NOX4: variants seen among roughly 807,000 people sequenced by gnomAD.
NOX4 encodes kidney oxidase-1.
NOX4 carries 69 observed loss-of-function variants against 87.6 expected under a neutral mutation model. The observed-to-expected ratio is 0.79, with a 90% CI of 0.65 to 0.96. The LOEUF is 0.96. Ranked by LOEUF, NOX4 falls within the 40% of genes least tolerant of loss-of-function variation. The pLI is 0.00. For missense variants in NOX4, 680 were observed against 681.5 expected (o/e 1.00, Z 0.02); for synonymous variants, 275 against 238.2 (o/e 1.15, Z -1.42).
chr11:89,453,236 A>G lies in NOX4; in HGVS notation c.154-1341T>C, dbSNP rs1945046989. ...TCCCCATGCTCTGGTAACCAGCAGC[A>G]TTCTACTCTCTACTTCTATGATTTC... On this transcript the variant is annotated intron_variant, in intron 2 of 17. Transcript: ENST00000263317. Among the ~76,000 whole-genome samples the G allele has an allele frequency of 2.0e-5, 3 of 151,852 alleles. No individual in the cohort carries two copies. The South Asian group carries it at 6.2e-4, about 31-fold the overall frequency.
At chr11:89,487,899 TAGGACATAAA>T (rs1262228274) in intron 2 of NOX4, among the ~76,000 whole-genome samples, 1 of 152,198 alleles carries the variant, frequency 6.6e-6, no homozygotes, top group Non-Finnish European at 1.5e-5. Flanking sequence ...AAGATAAGCC[TAGGACATAAA>T]ATTAAACACT....
At chr11:89,432,915 A>C in intron 6 of NOX4, 59 bp from the exon 7 acceptor site, 7 of 1,142,762 alleles carry the variant, frequency 6.1e-6, no homozygotes, top group Non-Finnish European at 9.1e-6. Flanking sequence ...AAAATACAAA[A>C]AATGATTATA....
the NOX4 span, among the ~76,000 whole-genome samples, chr11:89,570,371 G>A: frequency 1.3e-5 from 2 of 152,176 alleles, no homozygotes; most frequent in South Asian, 2.1e-4. Flanking sequence ...AGGAGAGTGA[G>A]GTGTGAAAAA....
intron 2 of NOX4, among the ~76,000 whole-genome samples, chr11:89,484,791 T>C (rs1341796907): frequency 6.6e-6 from 1 of 152,120 alleles, no homozygotes. Context: ...AAATTGTGTC[T>C]AAATAACAGA....
intron 13 of NOX4, among the ~76,000 whole-genome samples, chr11:89,349,125 A>G (rs317200): frequency 0.014 from 2,193 of 151,944 alleles, 48 homozygotes; most frequent in African/African-American, 0.051. Context: ...TGTCTCTATT[A>G]AAAATACAAA....
intron 8 of NOX4, among the ~76,000 whole-genome samples, chr11:89,417,429 C>A (rs1220872980): frequency 2.0e-5 from 3 of 151,886 alleles, no homozygotes; most frequent in Non-Finnish European, 4.4e-5. Context: ...CTAAGCACAC[C>A]AATAGCAACC....
At chr11:89,488,220 C>T (rs948637214) in intron 2 of NOX4, among the ~76,000 whole-genome samples, 8 of 151,960 alleles carry the variant, frequency 5.3e-5, no homozygotes, top group African/African-American at 1.2e-4. Flanking sequence ...TTTCTTGAAT[C>T]TGTTTCTTAT....
At chr11:89,571,099 T>A in the NOX4 span, among the ~76,000 whole-genome samples, 46 of 152,206 alleles carry the variant, frequency 3.0e-4, no homozygotes, top group African/African-American at 1.1e-3. Context: ...AGTATTCAGT[T>A]TAGCCATTCT....
intron 11 of NOX4, among the ~76,000 whole-genome samples, chr11:89,394,291 G>A (rs11018600): frequency 0.35 from 53,524 of 151,652 alleles, 9,590 homozygotes; most frequent in East Asian, 0.44. Context: ...TATTTTTTAT[G>A]AATACAAGGA....
chr11:89,445,181 A>C (rs1486590418), intron 4 of NOX4, among the ~76,000 whole-genome samples: 1 of 152,162 alleles, frequency 6.6e-6, no homozygotes, highest in Non-Finnish European at 1.5e-5. Context: ...CAAAAGGCTT[A>C]ATGAGATAAG....
At chr11:89,484,887 T>A (rs1946530570) in intron 2 of NOX4, among the ~76,000 whole-genome samples, 1 of 152,114 alleles carries the variant, frequency 6.6e-6, no homozygotes, top group African/African-American at 2.4e-5. Flanking sequence ...CCTGAGCAAC[T>A]CTAGCTAGTG....
chr11:89,486,607 T>C (rs1309279452), intron 2 of NOX4, among the ~76,000 whole-genome samples: 1 of 127,374 alleles, frequency 7.9e-6, no homozygotes, highest in African/African-American at 3.5e-5. Context: ...TATACATATA[T>C]ATGTGTGTAT....
intron 7 of NOX4, among the ~76,000 whole-genome samples, chr11:89,423,429 A>C (rs1943197861): frequency 6.6e-6 from 1 of 152,058 alleles, no homozygotes; most frequent in Non-Finnish European, 1.5e-5. Flanking sequence ...ATTTGCTTAA[A>C]CTTTACTTTC....
intron 4 of NOX4, 126 bp from the exon 5 acceptor site, chr11:89,444,358 T>C (rs1944590352): frequency 2.8e-6 from 2 of 723,300 alleles, no homozygotes; most frequent in Admixed American, 2.8e-5. Context: ...CAATGAAATA[T>C]TACATTGAAA....
chr11:89,450,395 G>A (rs16913273), intron 3 of NOX4, among the ~76,000 whole-genome samples: 3,365 of 151,964 alleles, frequency 0.022, 130 homozygotes, highest in African/African-American at 0.077. Context: ...TCTATCCAGC[G>A]GTGCTTTGCT....
the NOX4 span, among the ~76,000 whole-genome samples, chr11:89,567,279 G>A: frequency 6.6e-6 from 1 of 152,130 alleles, no homozygotes; most frequent in Non-Finnish European, 1.5e-5. Context: ...AACCATCGGA[G>A]AGCTTTAGCA....
intron 8 of NOX4, among the ~76,000 whole-genome samples, chr11:89,417,807 T>C (rs1942865229): frequency 6.6e-6 from 1 of 152,082 alleles, no homozygotes; most frequent in Admixed American, 6.6e-5. Context: ...TGCATTACTT[T>C]AAACCCAAGA....
At chr11:89,360,452 G>A (rs999769268) in intron 12 of NOX4, among the ~76,000 whole-genome samples, 2 of 151,864 alleles carry the variant, frequency 1.3e-5, no homozygotes, top group Non-Finnish European at 2.9e-5. Context: ...TGTACTCCCT[G>A]AAAATACATA....
the NOX4 span, chr11:89,548,127 T>C: frequency 6.6e-6 from 1 of 152,008 alleles, no homozygotes; most frequent in African/African-American, 2.4e-5. Context: ...AATGAAAACA[T>C]ACAGTGCAAT....
Sources: allele counts gnomAD v4.1 joint callset (sites outside exome capture counted in the v4.1 genomes callset), GRCh38; gene constraint gnomAD v4.1.1; transcripts MANE v1.5; gene names NCBI Gene and HGNC (gene_info 2026-07-23, HGNC 2026-07-21).